The following DIPK1A variants were observed in gnomAD, a reference collection of about 807,000 sequenced individuals.
The protein encoded by DIPK1A is divergent protein kinase domain 1A.
A neutral mutation model predicts 40.8 loss-of-function variants in DIPK1A; 27 were observed. The ratio of observed to expected loss-of-function variants is 0.66; its 90% confidence interval spans 0.49 to 0.91. The LOEUF (loss-of-function observed/expected upper bound fraction) is 0.91, where lower values mean the gene tolerates loss of function less well. Ranked by LOEUF, DIPK1A falls within the 40% of genes least tolerant of loss-of-function variation. The pLI, the probability that DIPK1A is intolerant of heterozygous loss-of-function variation, is 0.00. For synonymous variants in DIPK1A, 166 were observed against 171.3 expected, an observed-to-expected ratio of 0.97 and a Z score of 0.24; for missense variants, 412 against 505.7, an observed-to-expected ratio of 0.81 and a Z score of 1.78.
At position 92,874,619 on chromosome 1, in the gene DIPK1A, C is replaced by T. The variant is rs1045912613; in HGVS notation, c.189+1677G>A. On this transcript the variant is annotated intron_variant, in intron 2 of 4. Transcript: ENST00000370310. Reference sequence around the variant, plus strand: ...GAGAAATAAACATTTCAAATAGTTTCGGTTATTTGTATGTTTTTGAACTTG... The same window carrying T: ...GAGAAATAAACATTTCAAATAGTTTTGGTTATTTGTATGTTTTTGAACTTG... Among the ~76,000 whole-genome samples the T allele has an allele frequency of 4.6e-5, 7 of 152,252 alleles. No homozygotes were observed. In the South Asian group the frequency reaches 6.2e-4, roughly 14 times the overall value.
intron 1 of DIPK1A, among the ~76,000 whole-genome samples, chr1:92,913,797 C>T (rs952361563): frequency 1.3e-5 from 2 of 152,130 alleles, no homozygotes; most frequent in Non-Finnish European, 2.9e-5. Context: ...CTTTCTTTCT[C>T]CTCCTGCCAG....
At chr1:92,919,591 A>G (rs979055470) in intron 1 of DIPK1A, among the ~76,000 whole-genome samples, 2 of 152,178 alleles carry the variant, frequency 1.3e-5, no homozygotes, top group African/African-American at 4.8e-5. Flanking sequence ...TGCTATCTCT[A>G]TATCTGGAAC....
chr1:92,845,177 G>C (rs1488113601), intron 4 of DIPK1A, among the ~76,000 whole-genome samples: 2 of 150,956 alleles, frequency 1.3e-5, no homozygotes, highest in African/African-American at 2.4e-5. Flanking sequence ...TCGATCTCCT[G>C]ACCTTGTGAT....
intron 1 of DIPK1A, among the ~76,000 whole-genome samples, chr1:92,941,547 C>G (rs1651150179): frequency 6.6e-6 from 1 of 152,200 alleles, no homozygotes; most frequent in Non-Finnish European, 1.5e-5. Context: ...TATCTTAACA[C>G]AGACACCAAA....
At chr1:92,842,154 C>T (rs148981961), downstream of DIPK1A, 2 of 1,035,364 alleles carry the variant, frequency 1.9e-6, no homozygotes, top group Non-Finnish European at 2.3e-6. Flanking sequence ...ACAGACCAAC[C>T]ATCAGTGGGA....
chr1:92,923,854 T>C (rs1650370667), intron 1 of DIPK1A, among the ~76,000 whole-genome samples: 2 of 152,192 alleles, frequency 1.3e-5, no homozygotes, highest in Admixed American at 1.3e-4. Flanking sequence ...TCAGGCTTAG[T>C]GTTACACAGA....
At chr1:92,902,411 G>A (rs758613131) in intron 1 of DIPK1A, among the ~76,000 whole-genome samples, 1 of 152,170 alleles carries the variant, frequency 6.6e-6, no homozygotes, top group Non-Finnish European at 1.5e-5. Flanking sequence ...AGGGATGAAG[G>A]GGAGCTGTGG....
intron 2 of DIPK1A, among the ~76,000 whole-genome samples, chr1:92,851,182 A>G (rs1687806270): frequency 6.6e-6 from 1 of 152,056 alleles, no homozygotes; most frequent in African/African-American, 2.4e-5. Context: ...TTTTTCCCAC[A>G]TGACATGGTC....
intron 1 of DIPK1A, among the ~76,000 whole-genome samples, chr1:92,897,061 T>C (rs1226050811): frequency 1.3e-5 from 2 of 151,874 alleles, no homozygotes; most frequent in Middle Eastern, 3.2e-3. Context: ...TTGGTGGGAC[T>C]GTAAACTAGT....
rs375613896 is a variant in DIPK1A at position 92,888,041 on chromosome 1, C to T, written c.55-11611G>A. Among the ~76,000 whole-genome samples, 12 of 151,992 alleles carry T rather than the reference C, an allele frequency of 7.9e-5. No homozygotes were observed. In the East Asian group the frequency reaches 1.9e-3, roughly 24 times the overall value. On this transcript the variant is annotated intron_variant, in intron 1 of 4. Coordinates refer to ENST00000370310, the MANE Select transcript of DIPK1A (RefSeq NM_001006605.5). The stretch of plus-strand genomic sequence containing the variant: ...GTTGATCATTTCTTTGTATTTGGAA[C>T]ATTCAAAATCCTCTCCTCTACTATT...
At chr1:92,939,366 G>A (rs1651065731) in intron 1 of DIPK1A, among the ~76,000 whole-genome samples, 1 of 151,932 alleles carries the variant, frequency 6.6e-6, no homozygotes, top group Non-Finnish European at 1.5e-5. Flanking sequence ...TCTAGCTATA[G>A]GCCATTTTTG....
At chr1:92,876,158 T>A (rs1393877232) in intron 2 of DIPK1A, 138 bp downstream of exon 2, 3 of 546,914 alleles carry the variant, frequency 5.5e-6, no homozygotes, top group East Asian at 7.1e-5. Flanking sequence ...ATGGGTCATG[T>A]CAAAAAGCTA....
In DIPK1A at chr1:92,945,285, C is replaced by T. The variant is rs534861030; in HGVS notation, c.54+16091G>A. Among the ~76,000 whole-genome samples, 4 of 151,798 alleles carry T rather than the reference C, an allele frequency of 2.6e-5. No homozygotes were observed. In the East Asian group the frequency reaches 7.8e-4, roughly 29 times the overall value. ...AAAGAAGGCAATTAGAAACTCCCTG[C>T]AAAAATTTTTAAAAAGGAAGGAAAA... On this transcript the variant is annotated intron_variant, in intron 1 of 4. Coordinates refer to ENST00000370310, the MANE Select transcript of DIPK1A (RefSeq NM_001006605.5).
chr1:92,940,001 T>C (rs183846017), intron 1 of DIPK1A, among the ~76,000 whole-genome samples: 19 of 152,216 alleles, frequency 1.2e-4, no homozygotes, highest in Admixed American at 3.9e-4. Flanking sequence ...ATTTATACTA[T>C]AACTAATCCT....
intron 1 of DIPK1A, among the ~76,000 whole-genome samples, chr1:92,935,611 T>C (rs1053224371): frequency 2.0e-5 from 3 of 152,064 alleles, no homozygotes; most frequent in African/African-American, 7.2e-5. Flanking sequence ...TCCTTATCTA[T>C]AAAATCAACA....
chr1:92,834,213 T>C (rs1687028944), intron 4 of DIPK1A, among the ~76,000 whole-genome samples: 1 of 152,254 alleles, frequency 6.6e-6, no homozygotes, highest in Non-Finnish European at 1.5e-5. Context: ...TATATGCCAC[T>C]TAACCACTGA....
chr1:92,935,548 G>T (rs1571139611), intron 1 of DIPK1A, among the ~76,000 whole-genome samples: 1 of 152,114 alleles, frequency 6.6e-6, no homozygotes, highest in Non-Finnish European at 1.5e-5. Context: ...ACAAGACCAG[G>T]ATTTAAGTGC....
Position 92,961,385 on chromosome 1 carries a change from A to C in DIPK1A, c.45T>G (p.Tyr15Ter). 1.3e-6 allele frequency: 2 copies of C among 1,527,530 alleles called. No homozygotes were observed. Among genetic ancestry groups the C allele is most frequent in the East Asian group, 5.5e-5 (2 of 36,202 alleles). 94.6% of individuals were successfully genotyped at this position (1,527,530 alleles called of 1,614,324 possible). A position where few individuals can be genotyped will look rare whatever the true frequency, so the allele number is the denominator to read the frequency against. ...GCGGCCGCCGGCCTACCTGGAGGTA[A>C]TAGGGTTTCCTTAGCCAGGCCCCCG... ...LCPGAWLRKP[Y>*]YLQARFSYVR... is the part of the protein sequence containing the mutation. Residue 15 changes from tyrosine (Y) to a stop codon, truncating the protein, a stop_gained, in exon 1 of 5, where the codon TAT becomes TAG. Coordinates refer to ENST00000370310, the MANE Select transcript of DIPK1A (RefSeq NM_001006605.5). LOFTEE classifies it high-confidence loss of function.
chr1:92,960,190 T>A (rs1203673777), intron 1 of DIPK1A, among the ~76,000 whole-genome samples: 1 of 152,098 alleles, frequency 6.6e-6, no homozygotes, highest in Non-Finnish European at 1.5e-5. Flanking sequence ...GACTCAGTTT[T>A]ATTCGTACAC....
Sources: allele counts gnomAD v4.1 joint callset (sites outside exome capture counted in the v4.1 genomes callset), GRCh38; gene constraint gnomAD v4.1.1; transcripts MANE v1.5; gene names NCBI Gene and HGNC (gene_info 2026-07-23, HGNC 2026-07-21).